ROBO1: variants seen among roughly 807,000 people sequenced by gnomAD.
ROBO1 encodes roundabout homolog 1.
Under a neutral mutation model 195.9 loss-of-function variants are expected in ROBO1, and 149 were observed. The ratio of observed to expected loss-of-function variants is 0.76; its 90% confidence interval spans 0.67 to 0.87. ROBO1 has a LOEUF of 0.87. Ranked by LOEUF, ROBO1 falls within the 40% of genes least tolerant of loss-of-function variation. The probability of loss-of-function intolerance (pLI) is 0.00; values close to 1 mark genes in which losing one functional copy is unlikely to be tolerated. For missense variants in ROBO1, 1,933 were observed against 2,068.3 expected (o/e 0.93, Z 1.27); for synonymous variants, 816 against 733.2 (o/e 1.11, Z -1.82).
intron 3 of ROBO1, among the ~76,000 whole-genome samples, chr3:79,078,207 A>G (rs1457911519): frequency 1.3e-5 from 2 of 151,866 alleles, no homozygotes; most frequent in Non-Finnish European, 2.9e-5. Context: ...ATCTAAACAT[A>G]TTAACTCTAA....
rs183044816 is a variant in ROBO1, at chr3:79,702,802, C to T, written c.-51+64950G>A. ...TAATAGCCAGTTATGAATTACCTGT[C>T]AGCATCCATTCCCCATGTTTTAAAA... On this transcript the variant is annotated intron_variant, in intron 1 of 30. Transcript: ENST00000464233. Among the ~76,000 whole-genome samples, 286 of 152,066 alleles carry T rather than the reference C, an allele frequency of 1.9e-3. 1 individual carries two copies. Among genetic ancestry groups the T allele is most frequent in the Non-Finnish European group, 2.7e-3 (182 of 67,922 alleles).
At chr3:79,175,063 T>C (rs568190576) in intron 2 of ROBO1, among the ~76,000 whole-genome samples, 1 of 152,256 alleles carries the variant, frequency 6.6e-6, no homozygotes, top group African/African-American at 2.4e-5. Flanking sequence ...AACTATACTG[T>C]TAATATTTAT....
At chr3:78,964,048 C>G (rs1366235895) in intron 3 of ROBO1, among the ~76,000 whole-genome samples, 1 of 152,082 alleles carries the variant, frequency 6.6e-6, no homozygotes, top group Admixed American at 6.5e-5. Context: ...TGCTCCACCT[C>G]TCTCTCTCCC....
chr3:78,631,976 C>A (rs1161760750), intron 24 of ROBO1, among the ~76,000 whole-genome samples: 3 of 152,172 alleles, frequency 2.0e-5, no homozygotes, highest in Admixed American at 2.0e-4. Flanking sequence ...CATTCAAGTG[C>A]TCCAGTGTTC....
intron 2 of ROBO1, among the ~76,000 whole-genome samples, chr3:79,206,648 AAG>A (rs2081873964): frequency 6.6e-6 from 1 of 152,152 alleles, no homozygotes; most frequent in South Asian, 2.1e-4. Context: ...TTGCAGCTGA[AAG>A]AGGCCTTAAG....
intron 2 of ROBO1, among the ~76,000 whole-genome samples, chr3:79,376,265 G>A (rs1012297696): frequency 3.9e-5 from 6 of 152,136 alleles, no homozygotes; most frequent in South Asian, 2.1e-4. Context: ...CTAACGCAGG[G>A]TCAGGTGGAG....
intron 3 of ROBO1, among the ~76,000 whole-genome samples, chr3:79,121,943 G>A (rs1315038167): frequency 6.6e-6 from 1 of 151,760 alleles, no homozygotes; most frequent in Non-Finnish European, 1.5e-5. Context: ...TAAATTTTGT[G>A]TCCTTGTCTA....
At chr3:79,014,721 T>C (rs1250275202) in intron 3 of ROBO1, among the ~76,000 whole-genome samples, 1 of 152,232 alleles carries the variant, frequency 6.6e-6, no homozygotes, top group Non-Finnish European at 1.5e-5. Context: ...TTAAATTGAA[T>C]GATAACTTTG....
intron 2 of ROBO1, among the ~76,000 whole-genome samples, chr3:79,229,022 T>A (rs2082274890): frequency 6.6e-6 from 1 of 152,288 alleles, no homozygotes; most frequent in African/African-American, 2.4e-5. Flanking sequence ...TTTTCAAAAA[T>A]CTAATTTATA....
At chr3:79,542,473 A>G (rs1432856719) in intron 2 of ROBO1, among the ~76,000 whole-genome samples, 2 of 152,090 alleles carry the variant, frequency 1.3e-5, no homozygotes, top group East Asian at 3.9e-4. Flanking sequence ...TTTTTAAGCT[A>G]ACTTTAGCTA....
At chr3:79,687,132 A>G (rs1183278118) in intron 1 of ROBO1, among the ~76,000 whole-genome samples, 1 of 152,232 alleles carries the variant, frequency 6.6e-6, no homozygotes, top group Admixed American at 6.5e-5. Context: ...TTCTCTATTT[A>G]ATAAATGGTG....
chr3:79,433,162 T>G (rs2038748059), intron 2 of ROBO1, among the ~76,000 whole-genome samples: 1 of 152,126 alleles, frequency 6.6e-6, no homozygotes, highest in Non-Finnish European at 1.5e-5. Context: ...TTCTTCCTGA[T>G]GCTCTTCCTC....
intron 28 of ROBO1, among the ~76,000 whole-genome samples, chr3:78,608,020 T>TACACACACACACACAC (rs56715450): frequency 0.025 from 3,701 of 149,814 alleles, 49 homozygotes; most frequent in South Asian, 0.052. Context: ...TAATTTCATT[T>TACACACACACACACAC]ACACACACAC....
At chr3:79,303,039 A>AT (rs531567356) in intron 2 of ROBO1, among the ~76,000 whole-genome samples, 30 of 151,920 alleles carry the variant, frequency 2.0e-4, no homozygotes, top group African/African-American at 6.0e-4. Context: ...TTGTTTGTTC[A>AT]TTTTTTTAAC....
chr3:79,724,606 C>T (rs1425566601), intron 1 of ROBO1, among the ~76,000 whole-genome samples: 1 of 152,180 alleles, frequency 6.6e-6, no homozygotes, highest in African/African-American at 2.4e-5. Flanking sequence ...CCACCTCTGG[C>T]CAACAGCTGG....
At chr3:78,833,974 G>A (rs1314309263) in intron 4 of ROBO1, among the ~76,000 whole-genome samples, 1 of 152,178 alleles carries the variant, frequency 6.6e-6, no homozygotes, top group Non-Finnish European at 1.5e-5. Flanking sequence ...GATAAGCAGA[G>A]AGAAGGGGAT....
At chr3:79,204,550 C>T (rs984802992) in intron 2 of ROBO1, among the ~76,000 whole-genome samples, 5 of 151,928 alleles carry the variant, frequency 3.3e-5, no homozygotes, top group Non-Finnish European at 5.9e-5. Context: ...AGGATTTTTC[C>T]GAGACATGCT....
Position 78,668,525 on chromosome 3 carries a change from G to C in ROBO1, c.1589C>G (p.Pro530Arg), listed in dbSNP as rs780785789. ...TGRYTCIAST[P>R]SGEATWSAYI... is the part of the protein sequence containing the mutation. Reference sequence around the variant, plus strand: ...AGCACTCCATGTTGCTTCACCACTGGGGGTTGATGCAATGCAGGTGTACCG... The same window carrying C: ...AGCACTCCATGTTGCTTCACCACTGCGGGTTGATGCAATGCAGGTGTACCG... The change falls in exon 12 of 31, where the codon CCC (proline) becomes CGC (arginine). Residue 530 changes from proline to arginine, a missense_variant. Pro to Arg is a moderately radical substitution (Grantham distance 103). Transcript: ENST00000464233. The C allele has an allele frequency of 6.2e-7, 1 of 1,613,786 alleles. No individual in the cohort carries two copies. Among genetic ancestry groups the C allele is most frequent in the Non-Finnish European group, 8.5e-7 (1 of 1,179,812 alleles).
chr3:79,620,462 C>G (rs1213117645), intron 1 of ROBO1, among the ~76,000 whole-genome samples: 1 of 152,050 alleles, frequency 6.6e-6, no homozygotes, highest in Non-Finnish European at 1.5e-5. Flanking sequence ...TTGTGGGTAT[C>G]GACGGCCAGG....
Sources: allele counts gnomAD v4.1 joint callset (sites outside exome capture counted in the v4.1 genomes callset), GRCh38; gene constraint gnomAD v4.1.1; transcripts MANE v1.5; gene names NCBI Gene and HGNC (gene_info 2026-07-23, HGNC 2026-07-21).